Variants in ITPR1 observed in about 807,000 individuals in gnomAD.
The protein encoded by ITPR1 is inositol 1,4,5-trisphosphate-gated calcium channel ITPR1.
Under a neutral mutation model 318.4 loss-of-function variants are expected in ITPR1, and 96 were observed. The ratio of observed to expected loss-of-function variants is 0.30; its 90% CI spans 0.26 to 0.36. The LOEUF (loss-of-function observed/expected upper bound fraction) is 0.36. ITPR1 is among the 10% of genes least tolerant of loss of function. The pLI is 1.00. For synonymous variants in ITPR1, 1,312 were observed against 1,289.9 expected, an observed-to-expected ratio of 1.02 and a Z score of -0.37; for missense variants, 2,440 against 3,460.2, an observed-to-expected ratio of 0.71 and a Z score of 7.40.
At chr3:4,769,655 G>C (rs2046060826) in intron 46 of ITPR1, among the ~76,000 whole-genome samples, 1 of 152,202 alleles carries the variant, frequency 6.6e-6, no homozygotes, top group South Asian at 2.1e-4. Flanking sequence ...CCTAAGTGTT[G>C]CTTATATGAT....
chr3:4,627,278 A>G (rs1392910422), intron 4 of ITPR1, among the ~76,000 whole-genome samples: 5 of 152,214 alleles, frequency 3.3e-5, no homozygotes, highest in Admixed American at 2.6e-4. Flanking sequence ...TAGCATTAAC[A>G]ACGTGGCAAA....
At chr3:4,494,553 C>G (rs2080401334) in intron 2 of ITPR1, 47 bp downstream of exon 2, 1 of 152,134 alleles carries the variant, frequency 6.6e-6, no homozygotes, top group African/African-American at 2.4e-5. Flanking sequence ...AGTTTTTGTC[C>G]TAAGCCTATT....
At position 4,772,722 on chromosome 3, in the gene ITPR1, G is replaced by A. The variant is rs2046260541; in HGVS notation, c.5980-2520G>A. Among the ~76,000 whole-genome samples, 2 of 152,236 alleles carry A rather than the reference G, an allele frequency of 1.3e-5. 1 individual carries two copies. The highest frequency in any genetic ancestry group is 4.1e-4 in the South Asian group (2 of 4,830). The stretch of plus-strand genomic sequence containing the variant: ...ATTTCTCTAGCTTGGACAAGGCAGG[G>A]TGGTACATGCTGAAGGGGAGTTCTC... On this transcript the variant is annotated intron_variant, in intron 46 of 61. Transcript: ENST00000649015.
intron 22 of ITPR1, 23 bp downstream of exon 22, chr3:4,674,366 A>G (rs772652033): frequency 2.1e-5 from 33 of 1,591,034 alleles, no homozygotes; most frequent in African/African-American, 1.2e-4. Flanking sequence ...GAAATCTTCT[A>G]TGTGTATTAT....
chr3:4,497,380 C>T (rs971877152), intron 2 of ITPR1, among the ~76,000 whole-genome samples: 1 of 152,178 alleles, frequency 6.6e-6, no homozygotes, highest in Non-Finnish European at 1.5e-5. Flanking sequence ...ATTTCTTGAG[C>T]ACCTGCTATG....
chr3:4,592,199 A>G (rs2090446043), intron 4 of ITPR1, among the ~76,000 whole-genome samples: 1 of 152,204 alleles, frequency 6.6e-6, no homozygotes, highest in Non-Finnish European at 1.5e-5. Flanking sequence ...TGGGAATGCT[A>G]GTAAGTTGCT....
At chr3:4,740,759 T>G (rs1005164251) in intron 44 of ITPR1, among the ~76,000 whole-genome samples, 1 of 152,156 alleles carries the variant, frequency 6.6e-6, no homozygotes, top group Non-Finnish European at 1.5e-5. Flanking sequence ...AGGCTTCACA[T>G]TGAACCCTCC....
In ITPR1 at chr3:4,782,168, A is replaced by G. The variant is rs545336319; in HGVS notation, c.6388-451A>G. Among the ~76,000 whole-genome samples, 4 of 152,284 alleles carry G rather than the reference A, an allele frequency of 2.6e-5. No homozygotes were observed. In the East Asian group the frequency reaches 7.7e-4, roughly 29 times the overall value. On this transcript the variant is annotated intron_variant, in intron 49 of 61. Transcript: ENST00000649015. ...GACTGGGAAAATTTTAAAAATGAAG[A>G]AATAGTTTCACCAGCTATTCCTAAA...
chr3:4,829,549 G>A (rs1444275173), intron 60 of ITPR1, among the ~76,000 whole-genome samples: 1 of 152,182 alleles, frequency 6.6e-6, no homozygotes, highest in Non-Finnish European at 1.5e-5. Flanking sequence ...TTTTAGAGCA[G>A]TTTGAAGTTT....
At chr3:4,671,724 G>A (rs183887490) in intron 20 of ITPR1, 2 of 152,272 alleles carry the variant, frequency 1.3e-5, no homozygotes, top group African/African-American at 4.8e-5. Flanking sequence ...AAAGGAAAGG[G>A]AAGATAAAGC....
Position 4,655,790 on chromosome 3 carries a change from C to T in ITPR1, c.996+1904C>T, listed in dbSNP as rs1456560833. 5.3e-5 allele frequency among the ~76,000 whole-genome samples: 8 copies of T among 152,170 alleles called. No homozygotes were observed. In the East Asian group the frequency reaches 9.7e-4, roughly 18 times the overall value. ...CTAGACTGCATCACTCTGGCTACTT[C>T]GATGTTGATTGGGGGTGGGCTGCTT... On this transcript the variant is annotated intron_variant, in intron 12 of 61. Coordinates refer to ENST00000649015, the MANE Select transcript of ITPR1 (RefSeq NM_001378452.1).
At chr3:4,833,581 C>T (rs1468562293) in intron 60 of ITPR1, among the ~76,000 whole-genome samples, 1 of 152,242 alleles carries the variant, frequency 6.6e-6, no homozygotes, top group African/African-American at 2.4e-5. Flanking sequence ...ATCCTCTCTC[C>T]TCTCCCCTGG....
In ITPR1 at chr3:4,727,171, A is replaced by G; in HGVS notation, c.5218A>G (p.Arg1740Gly). Residue 1740 changes from arginine to glycine, a missense_variant and splice_region_variant, in exon 42 of 62, where the codon AGG becomes GGG. Transcript: ENST00000649015. ...CCTGCGGCAGCTGGAAGACCATAAA[A>G]GGGTACGTAGTCTTGAGTCTTGGGT... Reference protein sequence around the residue: ...PPLRQLEDHKRGEALRQVLVN... With the variant: ...PPLRQLEDHKGGEALRQVLVN... 1 of 1,594,662 alleles carries G rather than the reference A, an allele frequency of 6.3e-7. No individual in the cohort carries two copies. Among genetic ancestry groups the G allele is most frequent in the Non-Finnish European group, 8.5e-7 (1 of 1,176,896 alleles).
intron 4 of ITPR1, among the ~76,000 whole-genome samples, chr3:4,577,332 A>G (rs2088794467): frequency 6.6e-6 from 1 of 152,136 alleles, no homozygotes; most frequent in Non-Finnish European, 1.5e-5. Flanking sequence ...TTTAAACTTT[A>G]ATTTGCAAGG....
At chr3:4,535,647 G>C (rs1008310248) in intron 4 of ITPR1, among the ~76,000 whole-genome samples, 5 of 151,592 alleles carry the variant, frequency 3.3e-5, no homozygotes, top group Admixed American at 6.6e-5. Flanking sequence ...GGGTTTCACT[G>C]TGTTAGCCAG....
intron 4 of ITPR1, among the ~76,000 whole-genome samples, chr3:4,541,993 C>A (rs1017797633): frequency 1.2e-4 from 18 of 152,050 alleles, no homozygotes; most frequent in African/African-American, 4.3e-4. Context: ...TAGGTAATTT[C>A]TTCTCATCTT....
At chr3:4,842,996 G>T (rs918299348) in intron 61 of ITPR1, among the ~76,000 whole-genome samples, 3 of 151,728 alleles carry the variant, frequency 2.0e-5, no homozygotes, top group Non-Finnish European at 4.4e-5. Flanking sequence ...GCACTAAGAG[G>T]CTGGAGAAAC....
At chr3:4,684,462 A>G (rs1489174437) in intron 29 of ITPR1, 116 bp downstream of exon 29, 2 of 733,256 alleles carry the variant, frequency 2.7e-6, no homozygotes, top group Non-Finnish European at 4.7e-6. Context: ...CATGTGGTTT[A>G]ACAGGGAGAA....
rs188232131 is a variant in ITPR1 at position 4,846,682 on chromosome 3, T to C, written c.*457T>C. 1.3e-5 allele frequency: 2 copies of C among 152,764 alleles called. No individual in the cohort carries two copies. Among genetic ancestry groups the C allele is most frequent in the Non-Finnish European group, 2.9e-5 (2 of 68,116 alleles). The allele number at this position is 152,764 out of a possible 1,614,324, so 9.5% of individuals were successfully genotyped here. A position where few individuals can be genotyped will look rare whatever the true frequency, so the allele number is the denominator to read the frequency against. ...TGGTGTGTTAATACTATGTAATAAA[T>C]GGTTAACTTTCAAATGATGCTGCTG... On this transcript the variant is annotated 3_prime_UTR_variant, in exon 62 of 62. Coordinates refer to ENST00000649015, the MANE Select transcript of ITPR1 (RefSeq NM_001378452.1).
Sources: allele counts gnomAD v4.1 joint callset (sites outside exome capture counted in the v4.1 genomes callset), GRCh38; gene constraint gnomAD v4.1.1; transcripts MANE v1.5; gene names NCBI Gene and HGNC (gene_info 2026-07-23, HGNC 2026-07-21).